Variants in TOMM6 observed in about 807,000 individuals in gnomAD.
TOMM6 encodes translocase of outer mitochondrial membrane 6.
Under a neutral mutation model 6.0 loss-of-function variants are expected in TOMM6, and 6 were observed. That is an observed-to-expected ratio of 1.00 (90% CI 0.55 to 1.98). TOMM6 has a LOEUF of 1.98. Among genes scored for constraint, TOMM6 ranks in the 30% most tolerant of loss-of-function variants. The probability of loss-of-function intolerance (pLI) is 0.00; values close to 1 mark genes in which losing one functional copy is unlikely to be tolerated. For synonymous variants in TOMM6, 44 were observed against 36.3 expected (o/e 1.21, Z -0.76); for missense variants, 104 against 95.3 (o/e 1.09, Z -0.38).
intron 1 of TOMM6, among the ~76,000 whole-genome samples, chr6:41,788,689 G>T (rs1241190818): frequency 6.7e-6 from 1 of 148,168 alleles, no homozygotes; most frequent in Admixed American, 6.8e-5. Context: ...CTGACTTCTC[G>T]ATCCACCCGA....
In TOMM6 at chr6:41,787,786, G is replaced by C; in HGVS notation, c.89G>C (p.Gly30Ala). 45 of 1,551,806 alleles carry C rather than the reference G, an allele frequency of 2.9e-5. No homozygotes were observed. The highest frequency in any genetic ancestry group is 3.7e-5 in the Non-Finnish European group (43 of 1,147,020). The change falls in exon 1 of 3, where the codon GGC becomes GCC. Residue 30 changes from glycine to alanine, a missense_variant. Gly to Ala is a moderately conservative substitution (Grantham distance 60). Transcript: ENST00000398881. ...IPDNVGDWLR[G>A]VYRFATDRND... ...GACAACGTGGGAGATTGGCTTCGGG[G>C]CGTCTACCGCTTTGCCACTGATAGG...
chr6:41,789,078 C>T (rs886766261), intron 1 of TOMM6, among the ~76,000 whole-genome samples, 154 bp from the exon 2 acceptor site: 1 of 152,188 alleles, frequency 6.6e-6, no homozygotes, highest in East Asian at 1.9e-4. Context: ...AAATGAACTC[C>T]AAATTCCCAC....
chr6:41,788,188 A>G (rs1283531998), intron 1 of TOMM6, among the ~76,000 whole-genome samples: 1 of 135,454 alleles, frequency 7.4e-6, no homozygotes, highest in African/African-American at 2.8e-5. Context: ...TCTGTTGCCC[A>G]GGCTGGAGTG....
At chr6:41,788,596 G>A (rs1469894042) in intron 1 of TOMM6, among the ~76,000 whole-genome samples, 2 of 146,030 alleles carry the variant, frequency 1.4e-5, no homozygotes, top group Non-Finnish European at 3.0e-5. Flanking sequence ...GGGATTACAA[G>A]CGCGCGCCAC....
chr6:41,787,751 C>A lies in TOMM6; in HGVS notation c.54C>A (p.Pro18=), dbSNP rs919701516. ...VSAAGSANET[P]EIPDNVGDWL... ...CTGCTGGCTCGGCTAATGAAACTCC[C>A]GAAATACCGGACAACGTGGGAGATT... Residue 18 remains proline (P), a synonymous_variant, in exon 1 of 3, where the codon CCC becomes CCA. Coordinates refer to ENST00000398881, the MANE Select transcript of TOMM6 (RefSeq NM_001382294.1). 1 of 1,551,732 alleles carries A rather than the reference C, an allele frequency of 6.4e-7. No homozygotes were observed. The highest frequency in any genetic ancestry group is 1.2e-5 in the South Asian group (1 of 84,048).
At position 41,787,826 on chromosome 6, in the gene TOMM6, G is replaced by A; in HGVS notation, c.128+1G>A. The A allele has an allele frequency of 6.4e-7, 1 of 1,551,746 alleles. No homozygotes were observed. The highest frequency in any genetic ancestry group is 1.2e-5 in the South Asian group (1 of 84,064). Reference sequence around the variant, plus strand: ...CCACTGATAGGAATGACTTCCGGAGGTAACCGAGCCCGAGGAACTTGGTCC... The same window carrying A: ...CCACTGATAGGAATGACTTCCGGAGATAACCGAGCCCGAGGAACTTGGTCC... On this transcript the variant is annotated splice_donor_variant, in intron 1 of 2. Transcript: ENST00000398881. LOFTEE classifies it high-confidence loss of function.
rs766222284 is a variant in TOMM6 at position 41,787,809 on chromosome 6, A to C, written c.112A>C (p.Arg38=). The change falls in exon 1 of 3, where the codon AGG becomes CGG. Residue 38 remains arginine (R), a synonymous_variant. Coordinates refer to ENST00000398881, the MANE Select transcript of TOMM6 (RefSeq NM_001382294.1). ...LRGVYRFATD[R]NDFRRNLILN... The stretch of plus-strand genomic sequence containing the variant: ...GGGCGTCTACCGCTTTGCCACTGAT[A>C]GGAATGACTTCCGGAGGTAACCGAG... 8.4e-6 allele frequency: 13 copies of C among 1,551,634 alleles called. No individual in the cohort carries two copies. The African/African-American group carries it at 1.6e-4, about 20-fold the overall frequency.
chr6:41,787,832 G>T lies in TOMM6; in HGVS notation c.128+7G>T. 1 of 1,551,638 alleles carries T rather than the reference G, an allele frequency of 6.4e-7. No individual in the cohort carries two copies. Among genetic ancestry groups the T allele is most frequent in the African/African-American group, 1.4e-5 (1 of 73,178 alleles). On this transcript the variant is annotated splice_region_variant and intron_variant, in intron 1 of 2. Coordinates refer to ENST00000398881, the MANE Select transcript of TOMM6 (RefSeq NM_001382294.1). The stretch of plus-strand genomic sequence containing the variant: ...ATAGGAATGACTTCCGGAGGTAACC[G>T]AGCCCGAGGAACTTGGTCCTTTTCT...
rs938743087 is a variant in TOMM6 at position 41,789,340 on chromosome 6, A to G, written c.*8+4A>G. 1 of 1,547,154 alleles carries G rather than the reference A, an allele frequency of 6.5e-7. No homozygotes were observed. Among genetic ancestry groups the G allele is most frequent in the Non-Finnish European group, 8.8e-7 (1 of 1,142,808 alleles). ...AGCCAGGGGTGTAGCCAAGTAGGTA[A>G]GCACTGAACTACACCCATGCGTGTC... On this transcript the variant is annotated splice_donor_region_variant and intron_variant, in intron 2 of 2. Coordinates refer to ENST00000398881, the MANE Select transcript of TOMM6 (RefSeq NM_001382294.1).
chr6:41,789,123 A>G (rs1772746020), intron 1 of TOMM6, 109 bp from the exon 2 acceptor site: 3 of 1,016,054 alleles, frequency 3.0e-6, no homozygotes, highest in Non-Finnish European at 3.0e-6. Context: ...ACAACCACGT[A>G]TCAACGCCTC....
chr6:41,787,696 C>T lies in TOMM6; in HGVS notation c.-2C>T. 3 of 1,551,440 alleles carry T rather than the reference C, an allele frequency of 1.9e-6. No homozygotes were observed. The highest frequency in any genetic ancestry group is 2.6e-6 in the Non-Finnish European group (3 of 1,146,798). The stretch of plus-strand genomic sequence containing the variant: ...ACCGAGGCCCATGCGAAGCTTTCCA[C>T]TATGGCTTCCAGCACTGTCCCGGTG... On this transcript the variant is annotated 5_prime_UTR_variant, in exon 1 of 3. Transcript: ENST00000398881.
chr6:41,788,531 C>T (rs950303588), intron 1 of TOMM6, among the ~76,000 whole-genome samples: 1 of 146,678 alleles, frequency 6.8e-6, no homozygotes. Context: ...CGGCTCACTG[C>T]CCCTTCTGCC....
chr6:41,788,575 C>A (rs554571364), intron 1 of TOMM6, among the ~76,000 whole-genome samples: 23 of 150,880 alleles, frequency 1.5e-4, no homozygotes, highest in African/African-American at 5.6e-4. Context: ...GCCTCAGCCT[C>A]CCCAGTAGCT....
intron 1 of TOMM6, 79 bp downstream of exon 1, chr6:41,787,904 G>C (rs1772706511): frequency 6.6e-6 from 10 of 1,515,790 alleles, no homozygotes; most frequent in African/African-American, 1.4e-5. Context: ...TGGCGCCTCA[G>C]GGTTTTTTGT....
chr6:41,789,140 G>A (rs528366526), intron 1 of TOMM6, 92 bp from the exon 2 acceptor site: 2 of 1,171,318 alleles, frequency 1.7e-6, no homozygotes, highest in Admixed American at 4.0e-5. Context: ...CCTCGGGAAG[G>A]TGGTGATGGA....
At chr6:41,788,179 C>G (rs577740758) in intron 1 of TOMM6, among the ~76,000 whole-genome samples, 477 of 144,874 alleles carry the variant, frequency 3.3e-3, no homozygotes, top group South Asian at 6.5e-3. Flanking sequence ...GAGTCTCACT[C>G]TGTTGCCCAG....
In TOMM6 at chr6:41,789,566, A is replaced by C; in HGVS notation, c.*9-2A>C. The C allele has an allele frequency of 9.0e-6, 4 of 444,782 alleles. No individual in the cohort carries two copies. The highest frequency in any genetic ancestry group is 1.7e-5 in the Non-Finnish European group (4 of 240,006). The allele number at this position is 444,782 out of a possible 1,614,324, so 27.6% of individuals were successfully genotyped here. On this transcript the variant is annotated splice_acceptor_variant, in intron 2 of 2. Coordinates refer to ENST00000398881, the MANE Select transcript of TOMM6 (RefSeq NM_001382294.1). LOFTEE classifies it low-confidence loss of function (3UTR_SPLICE). ...ACCTGTCGTCTTATCATCTGATTGC[A>C]GACAAATGGAATCCTGTGCTGAACC...
intron 1 of TOMM6, among the ~76,000 whole-genome samples, 180 bp from the exon 2 acceptor site, chr6:41,789,052 C>G (rs1772744236): frequency 6.6e-6 from 1 of 152,316 alleles, no homozygotes; most frequent in South Asian, 2.1e-4. Context: ...CCTGACCTTA[C>G]ACTTACTAGG....
In TOMM6 at chr6:41,787,845, TTGGTCCTTTTC is replaced by T. The variant is rs1318676706; in HGVS notation, c.128+24_128+34del. ...CCGGAGGTAACCGAGCCCGAGGAAC[TTGGTCCTTTTC>T]TGGCCCTTAAATCCGTATTTCCCCT... On this transcript the variant is annotated intron_variant, in intron 1 of 2. Coordinates refer to ENST00000398881, the MANE Select transcript of TOMM6 (RefSeq NM_001382294.1). 1 of 1,551,420 alleles carries T rather than the reference TTGGTCCTTTTC, an allele frequency of 6.4e-7. No homozygotes were observed. Among genetic ancestry groups the T allele is most frequent in the African/African-American group, 1.4e-5 (1 of 73,056 alleles).
Sources: allele counts gnomAD v4.1 joint callset (sites outside exome capture counted in the v4.1 genomes callset), GRCh38; gene constraint gnomAD v4.1.1; transcripts MANE v1.5; gene names NCBI Gene and HGNC (gene_info 2026-07-23, HGNC 2026-07-21).